RAP1GAP2: variants seen among roughly 807,000 people sequenced by gnomAD.
RAP1GAP2 encodes RAP1 GTPase activating protein 2.
A neutral mutation model predicts 95.0 loss-of-function variants in RAP1GAP2; 27 were observed. That is an observed-to-expected ratio of 0.28 (90% confidence interval 0.21 to 0.39). RAP1GAP2 has a LOEUF of 0.39. Among genes scored for constraint, RAP1GAP2 ranks in the 10% least tolerant of loss-of-function variants. RAP1GAP2 has a pLI of 1.00. For synonymous variants in RAP1GAP2, 373 were observed against 380.9 expected, an observed-to-expected ratio of 0.98 and a Z score of 0.24; for missense variants, 771 against 970.0, an observed-to-expected ratio of 0.79 and a Z score of 2.72.
At chr17:2,983,981 C>T (rs1423155065) in intron 10 of RAP1GAP2, among the ~76,000 whole-genome samples, 6 of 152,196 alleles carry the variant, frequency 3.9e-5, no homozygotes, top group Admixed American at 1.3e-4. Flanking sequence ...CACACATCTG[C>T]GTTTAACAGA....
rs983190653 is a variant in RAP1GAP2 at position 3,026,895 on chromosome 17, G to A, written c.1981-49G>A. 4.0e-5 allele frequency: 61 copies of A among 1,531,514 alleles called. No individual in the cohort carries two copies. In the East Asian group the frequency reaches 4.7e-4, roughly 12 times the overall value. The allele number at this position is 1,531,514 out of a possible 1,614,324, so 94.9% of individuals were successfully genotyped here. A position where few individuals can be genotyped will look rare whatever the true frequency, so the allele number is the denominator to read the frequency against. ...GGGGCTGCCTCAGGCCTGCGTGGGC[G>A]CAGCTGCCGAGGGTGGGCTGGCCTC... On this transcript the variant is annotated intron_variant, in intron 21 of 24. Coordinates refer to ENST00000254695, the MANE Select transcript of RAP1GAP2 (RefSeq NM_015085.5).
In RAP1GAP2 at chr17:2,769,232, TAAAAAAAAAAAAAAAAAA is replaced by T. The variant is rs58436827; in HGVS notation, c.51-1074_51-1057del. Among the ~76,000 whole-genome samples, 105 of 42,908 alleles carry T rather than the reference TAAAAAAAAAAAAAAAAAA, an allele frequency of 2.4e-3. 1 individual carries two copies. The highest frequency in any genetic ancestry group is 0.021 in the Middle Eastern group (1 of 48). 28.1% of individuals were successfully genotyped at this position (42,908 alleles called of 152,430 possible). Reference sequence around the variant, plus strand: ...GGATGAGAAAGTGAAACCATTTCTCTAAAAAAAAAAAAAAAAAAAAAAAAAAAAAAAAAAAAAAAAGGT... The same window carrying T: ...GGATGAGAAAGTGAAACCATTTCTCTAAAAAAAAAAAAAAAAAAAAAAGGT... On this transcript the variant is annotated intron_variant, in intron 1 of 25. Transcript: ENST00000637138.
At chr17:2,876,266 AC>A (rs1294788001) in intron 2 of RAP1GAP2, among the ~76,000 whole-genome samples, 1 of 151,974 alleles carries the variant, frequency 6.6e-6, no homozygotes, top group African/African-American at 2.4e-5. Context: ...AAAGAGTCCA[AC>A]TCTGTAAAAT....
At chr17:2,809,195 C>T (rs1043018707) in intron 2 of RAP1GAP2, among the ~76,000 whole-genome samples, 1 of 152,200 alleles carries the variant, frequency 6.6e-6, no homozygotes, top group Non-Finnish European at 1.5e-5. Flanking sequence ...CAAACAGCTC[C>T]CCGGACTTGG....
At chr17:2,981,367 G>A (rs2045350700) in intron 10 of RAP1GAP2, 119 bp downstream of exon 10, 1 of 909,234 alleles carries the variant, frequency 1.1e-6, no homozygotes. Context: ...TCCATAATAA[G>A]CTTCCATGTC....
chr17:2,828,947 G>A (rs918089635), intron 2 of RAP1GAP2, among the ~76,000 whole-genome samples: 2 of 150,766 alleles, frequency 1.3e-5, no homozygotes, highest in Non-Finnish European at 3.0e-5. Flanking sequence ...ATTGCTCCCT[G>A]GGGGGGCAGG....
chr17:2,968,756 C>T (rs960428565), intron 8 of RAP1GAP2, among the ~76,000 whole-genome samples: 37 of 151,948 alleles, frequency 2.4e-4, no homozygotes, highest in African/African-American at 8.7e-4. Flanking sequence ...CGATTTGGGT[C>T]ATCTCTCCAA....
At chr17:2,821,265 G>T (rs1697910113) in intron 2 of RAP1GAP2, among the ~76,000 whole-genome samples, 1 of 151,222 alleles carries the variant, frequency 6.6e-6, no homozygotes, top group African/African-American at 2.4e-5. Flanking sequence ...TATAAAAATA[G>T]TACATGCTCA....
rs2042160798 is a variant in RAP1GAP2, at chr17:2,905,199, CTG to C, written c.81-81_81-80del. ...AACCCAGCCTGCATTGTATGTTAAA[CTG>C]TGTCCGAGAGCCCAGTCACTCTTGG... is the stretch of plus-strand genomic sequence containing the variant. On this transcript the variant is annotated intron_variant, in intron 2 of 24. Transcript: ENST00000254695. 2.9e-5 allele frequency: 38 copies of C among 1,302,176 alleles called. 1 individual carries two copies. The South Asian group carries it at 4.7e-4, about 16-fold the overall frequency. The allele number at this position is 1,302,176 out of a possible 1,614,324, so 80.7% of individuals were successfully genotyped here. A position where few individuals can be genotyped will look rare whatever the true frequency, so the allele number is the denominator to read the frequency against.
chr17:2,894,827 C>T (rs757230170), intron 2 of RAP1GAP2, among the ~76,000 whole-genome samples: 26 of 152,132 alleles, frequency 1.7e-4, no homozygotes, highest in Non-Finnish European at 2.9e-4. Flanking sequence ...TGGCTGTGAG[C>T]GCAGTGGAGG....
intron 2 of RAP1GAP2, among the ~76,000 whole-genome samples, chr17:2,843,291 T>C (rs1021236567): frequency 2.1e-4 from 29 of 136,428 alleles, no homozygotes; most frequent in Admixed American, 8.9e-4. Flanking sequence ...TTAATTTCCC[T>C]TTTTTTTTTT....
chr17:2,957,712 C>T (rs747119615), intron 3 of RAP1GAP2, 47 bp from the exon 4 acceptor site: 3 of 1,590,922 alleles, frequency 1.9e-6, no homozygotes, highest in Non-Finnish European at 2.6e-6. Flanking sequence ...TGCTGTGGAC[C>T]TCCCGGCTGA....
At chr17:2,853,752 A>G (rs2071994265) in intron 2 of RAP1GAP2, among the ~76,000 whole-genome samples, 1 of 145,176 alleles carries the variant, frequency 6.9e-6, no homozygotes, top group Non-Finnish European at 1.5e-5. Context: ...AGCCTCGGAA[A>G]TGCCCGCGCC....
intron 19 of RAP1GAP2, 37 bp downstream of exon 19, chr17:3,020,632 C>T (rs752475808): frequency 1.5e-4 from 232 of 1,563,888 alleles, no homozygotes; most frequent in East Asian, 1.6e-4. Context: ...GCCTGACTTG[C>T]GGGGTCTGTC....
intron 12 of RAP1GAP2, among the ~76,000 whole-genome samples, chr17:2,994,229 C>A (rs1305831743): frequency 1.3e-5 from 2 of 152,136 alleles, no homozygotes; most frequent in Admixed American, 1.3e-4. Context: ...CTCCTGCCCC[C>A]TGTCCAGCAT....
At chr17:2,776,661 A>T (rs2068506815), upstream of RAP1GAP2, among the ~76,000 whole-genome samples, 5 of 150,680 alleles carry the variant, frequency 3.3e-5, no homozygotes, top group South Asian at 1.0e-3. Flanking sequence ...AGGACCCCGG[A>T]CCCTGGATCG....
At chr17:2,924,677 C>T (rs1332138562) in intron 3 of RAP1GAP2, among the ~76,000 whole-genome samples, 2 of 151,976 alleles carry the variant, frequency 1.3e-5, no homozygotes, top group East Asian at 1.9e-4. Context: ...GAGGATCATA[C>T]GTTGGGGTGG....
chr17:2,995,274 A>G (rs1272520644), intron 12 of RAP1GAP2, 63 bp from the exon 13 acceptor site: 3 of 1,550,576 alleles, frequency 1.9e-6, no homozygotes, highest in African/African-American at 2.7e-5. Context: ...GGGAGCTTGC[A>G]TTAAGTTGCC....
At chr17:2,938,550 T>C (rs767025442) in intron 3 of RAP1GAP2, among the ~76,000 whole-genome samples, 2 of 152,190 alleles carry the variant, frequency 1.3e-5, no homozygotes, top group African/African-American at 2.4e-5. Flanking sequence ...CCTGAGCTCA[T>C]GGTGTGTCTC....
Sources: gnomAD v4.1 joint callset for allele counts (sites outside exome capture counted in the v4.1 genomes callset) on GRCh38, gnomAD v4.1.1 for gene constraint, MANE v1.5 for transcripts, NCBI Gene and HGNC (gene_info 2026-07-23, HGNC 2026-07-21) for gene names.